Variants in TSPAN9 observed in about 807,000 individuals in gnomAD.
The protein encoded by TSPAN9 is tetraspanin-9.
Under a neutral mutation model 31.0 loss-of-function variants are expected in TSPAN9, and 16 were observed. The observed-to-expected ratio is 0.52, with a 90% CI of 0.35 to 0.78. The LOEUF is 0.78. Ranked by LOEUF, TSPAN9 falls within the 30% of genes least tolerant of loss-of-function variation. The pLI is 0.01. For synonymous variants in TSPAN9, 145 were observed against 121.6 expected (o/e 1.19, Z -1.27); for missense variants, 272 against 312.5 (o/e 0.87, Z 0.98).
At chr12:3,243,303 G>A (rs2098397586) in intron 3 of TSPAN9, among the ~76,000 whole-genome samples, 1 of 152,128 alleles carries the variant, frequency 6.6e-6, no homozygotes, top group African/African-American at 2.4e-5. Context: ...TTTCTCATGG[G>A]CCGGGCACGG....
chr12:3,162,774 T>C (rs2098346119), intron 2 of TSPAN9, among the ~76,000 whole-genome samples: 1 of 152,200 alleles, frequency 6.6e-6, no homozygotes, highest in Non-Finnish European at 1.5e-5. Context: ...AAACAAGTTA[T>C]GGTTATACCA....
chr12:3,171,483 C>T (rs2153970295), intron 2 of TSPAN9, among the ~76,000 whole-genome samples: 1 of 152,300 alleles, frequency 6.6e-6, no homozygotes, highest in East Asian at 1.9e-4. Context: ...CCTGCTGTCC[C>T]CTCTCTCATT....
intron 3 of TSPAN9, among the ~76,000 whole-genome samples, chr12:3,247,632 C>A (rs921938035): frequency 6.6e-6 from 1 of 152,162 alleles, no homozygotes; most frequent in Admixed American, 6.5e-5. Context: ...TCTAACTTCA[C>A]GTCCATTGTC....
At chr12:3,264,704 A>C (rs549803211) in intron 3 of TSPAN9, among the ~76,000 whole-genome samples, 3 of 152,370 alleles carry the variant, frequency 2.0e-5, no homozygotes, top group African/African-American at 7.2e-5. Context: ...GGATGGCTGC[A>C]GGCTATAAAT....
intron 3 of TSPAN9, among the ~76,000 whole-genome samples, chr12:3,226,327 C>T (rs2098387107): frequency 6.6e-6 from 1 of 152,038 alleles, no homozygotes; most frequent in African/African-American, 2.4e-5. Context: ...AATTTGTTCA[C>T]AAGTTCAAGG....
intron 3 of TSPAN9, among the ~76,000 whole-genome samples, chr12:3,231,672 C>A (rs1232429309): frequency 6.6e-6 from 1 of 152,252 alleles, no homozygotes; most frequent in African/African-American, 2.4e-5. Context: ...CAGATGTTCG[C>A]TTTGGAGCCT....
rs11062546 is a variant in TSPAN9, at chr12:3,168,116, G to A, written c.-17-33061G>A. Among the ~76,000 whole-genome samples the A allele has an allele frequency of 0.19, 29,162 of 152,082 alleles. 3,558 individuals are homozygous for A. Among genetic ancestry groups the A allele is most frequent in the East Asian group, 0.4 (2,068 of 5,152 alleles). ...ATTCTGTGCCACAGAAGCCCAGGCC[G>A]GGGGAGACCACACCACCGTTCCACC... On this transcript the variant is annotated intron_variant, in intron 2 of 8. Coordinates refer to ENST00000011898, the MANE Select transcript of TSPAN9 (RefSeq NM_006675.5). This position sits in a 1 kb window ranked among gnomAD's most constrained non-coding sequence, Gnocchi z 4.0.
intron 3 of TSPAN9, among the ~76,000 whole-genome samples, chr12:3,271,559 AG>A (rs1862679153): frequency 1.4e-5 from 2 of 140,684 alleles, no homozygotes; most frequent in African/African-American, 5.7e-5. Context: ...AAAAAAAAAA[AG>A]AAGAATGGAG....
At chr12:3,188,476 G>C (rs1250590434) in intron 2 of TSPAN9, among the ~76,000 whole-genome samples, 1 of 152,166 alleles carries the variant, frequency 6.6e-6, no homozygotes, top group Non-Finnish European at 1.5e-5. Context: ...GGGTGGCAGA[G>C]GAAGGGAGGG....
intron 2 of TSPAN9, among the ~76,000 whole-genome samples, chr12:3,117,106 T>C (rs1255217900): frequency 6.6e-6 from 1 of 152,222 alleles, no homozygotes; most frequent in East Asian, 1.9e-4. Context: ...TTCTAAATTA[T>C]GGAAAACATA....
chr12:3,237,437 G>C (rs891964988), intron 3 of TSPAN9, among the ~76,000 whole-genome samples: 1 of 152,204 alleles, frequency 6.6e-6, no homozygotes, highest in African/African-American at 2.4e-5. Flanking sequence ...CTACCTCTTG[G>C]CCACAGAACA....
chr12:3,168,314 C>T lies in TSPAN9; in HGVS notation c.-17-32863C>T, dbSNP rs911787899. On this transcript the variant is annotated intron_variant, in intron 2 of 8. Transcript: ENST00000011898. The surrounding 1 kb of genome is among the most constrained non-coding windows in gnomAD (Gnocchi z 4.0). ...GGTCTTCATAAAATCTCCCCTCTAG[C>T]GCTCGTCTTTTTGCTTCCTTCAATT... Among the ~76,000 whole-genome samples, 5 of 152,214 alleles carry T rather than the reference C, an allele frequency of 3.3e-5. No individual in the cohort carries two copies. Among genetic ancestry groups the T allele is most frequent in the African/African-American group, 7.2e-5 (3 of 41,438 alleles).
intron 2 of TSPAN9, among the ~76,000 whole-genome samples, chr12:3,136,149 G>A (rs566719228): frequency 1.3e-5 from 2 of 152,322 alleles, no homozygotes; most frequent in South Asian, 2.1e-4. Flanking sequence ...CAGCAGTGAC[G>A]TGCAGTGACA....
At chr12:3,079,039 G>GC in intron 1 of TSPAN9, among the ~76,000 whole-genome samples, 1 of 151,190 alleles carries the variant, frequency 6.6e-6, no homozygotes, top group East Asian at 2.0e-4. Flanking sequence ...GAGTGCAGTG[G>GC]CAGGATCTCA....
chr12:3,142,377 C>T (rs1565590913), intron 2 of TSPAN9, among the ~76,000 whole-genome samples: 1 of 152,164 alleles, frequency 6.6e-6, no homozygotes, highest in Non-Finnish European at 1.5e-5. Context: ...GTTGGCCCCT[C>T]TGTGTGGGCC....
chr12:3,213,066 G>A (rs1465633305), intron 3 of TSPAN9, among the ~76,000 whole-genome samples: 5 of 152,180 alleles, frequency 3.3e-5, no homozygotes, highest in Admixed American at 2.0e-4. Context: ...TCTGTGGAGC[G>A]CTAGGAATTG....
chr12:3,126,610 A>C lies in TSPAN9; in HGVS notation c.-18+42891A>C, dbSNP rs142830977. Among the ~76,000 whole-genome samples, 268 of 152,314 alleles carry C rather than the reference A, an allele frequency of 1.8e-3. 2 individuals are homozygous for C. In the South Asian group the frequency reaches 0.027, roughly 15 times the overall value. ...AGAAATACCTGAGACTGGGTAATTT[A>C]TAAGGACAGAGATTTGGGCCAGGCC... On this transcript the variant is annotated intron_variant, in intron 2 of 8. Coordinates refer to ENST00000011898, the MANE Select transcript of TSPAN9 (RefSeq NM_006675.5).
chr12:3,171,304 C>T (rs1211272962), intron 2 of TSPAN9, among the ~76,000 whole-genome samples: 1 of 152,102 alleles, frequency 6.6e-6, no homozygotes, highest in Admixed American at 6.5e-5. Flanking sequence ...GTTTTTCCTC[C>T]TGGTTTTGTG....
intron 3 of TSPAN9, among the ~76,000 whole-genome samples, chr12:3,221,363 T>C (rs199776487): frequency 0.015 from 2,183 of 149,248 alleles, 51 homozygotes; most frequent in East Asian, 0.1. Flanking sequence ...TTTTTCTCTT[T>C]TTTTTTTTTT....
Sources: gnomAD v4.1 joint callset for allele counts (sites outside exome capture counted in the v4.1 genomes callset) on GRCh38, gnomAD v4.1.1 for gene constraint, Gnocchi (gnomAD v3.1) non-coding constraint, MANE v1.5 for transcripts, NCBI Gene and HGNC (gene_info 2026-07-23, HGNC 2026-07-21) for gene names.